The following PCM1 variants were observed in gnomAD, a reference collection of about 807,000 sequenced individuals.
The protein encoded by PCM1 is pericentriolar material 1.
Under a neutral mutation model 241.9 loss-of-function variants are expected in PCM1, and 157 were observed. The ratio of observed to expected loss-of-function variants is 0.65; its 90% CI spans 0.57 to 0.74. The LOEUF (loss-of-function observed/expected upper bound fraction) is 0.74, where lower values mean the gene tolerates loss of function less well. Among genes scored for constraint, PCM1 ranks in the 30% least tolerant of loss-of-function variants. PCM1 has a pLI of 0.00. For synonymous variants in PCM1, 1,085 were observed against 784.9 expected (o/e 1.38, Z -6.39); for missense variants, 3,478 against 2,360.1 (o/e 1.47, Z -9.81).
At chr8:17,990,120 T>C in intron 27 of PCM1, 141 bp downstream of exon 27, 1 of 604,776 alleles carries the variant, frequency 1.7e-6, no homozygotes, top group Non-Finnish European at 2.6e-6. Context: ...TCTATCAGTC[T>C]AAAATCAAGA....
chr8:18,000,896 A>T (rs1409379673), intron 29 of PCM1, among the ~76,000 whole-genome samples: 1 of 152,206 alleles, frequency 6.6e-6, no homozygotes, highest in Admixed American at 6.5e-5. Flanking sequence ...GGCTCGAGCC[A>T]CTGTGCCAGC....
At chr8:17,997,368 G>T (rs2087259066) in intron 29 of PCM1, among the ~76,000 whole-genome samples, 1 of 152,088 alleles carries the variant, frequency 6.6e-6, no homozygotes, top group African/African-American at 2.4e-5. Flanking sequence ...CCTTGAGATA[G>T]TCTTATTTGG....
intron 23 of PCM1, among the ~76,000 whole-genome samples, chr8:17,977,136 T>C (rs2079047060): frequency 6.6e-6 from 1 of 152,224 alleles, no homozygotes. Flanking sequence ...TTAAAATCTT[T>C]TTCTTTAGAT....
intron 15 of PCM1, among the ~76,000 whole-genome samples, chr8:17,961,123 AT>A (rs1371795471): frequency 6.6e-6 from 1 of 152,190 alleles, no homozygotes; most frequent in Non-Finnish European, 1.5e-5. Flanking sequence ...TCTAAGGAAA[AT>A]AACTGTATGT....
In PCM1 at chr8:18,014,801, A is replaced by C; in HGVS notation, c.5802A>C (p.Gly1934=). Residue 1934 remains glycine, a synonymous_variant, in exon 36 of 39, where the codon GGA becomes GGC. Coordinates refer to ENST00000325083, the MANE Select transcript of PCM1 (RefSeq NM_006197.4). ...AAACTCCTGAAAGCTCTCTGGCTGG[A>C]AGTCCTGATACTGAATCTCCAGTGT... is the stretch of plus-strand genomic sequence containing the variant. The part of the protein sequence containing the change: ...AQETPESSLA[G]SPDTESPVLV... 2 of 1,604,558 alleles carry C rather than the reference A, an allele frequency of 1.2e-6. No homozygotes were observed. Among genetic ancestry groups the C allele is most frequent in the Non-Finnish European group, 1.7e-6 (2 of 1,178,308 alleles).
At chr8:18,008,762 T>C (rs1407916365) in intron 30 of PCM1, among the ~76,000 whole-genome samples, 3 of 152,160 alleles carry the variant, frequency 2.0e-5, no homozygotes, top group Non-Finnish European at 4.4e-5. Flanking sequence ...GCAGTTAATC[T>C]GTAACAAACA....
intron 29 of PCM1, among the ~76,000 whole-genome samples, chr8:17,999,960 G>T (rs1350270323): frequency 6.6e-6 from 1 of 152,164 alleles, no homozygotes; most frequent in Non-Finnish European, 1.5e-5. Flanking sequence ...GCATGCTAGA[G>T]TGGGAATACA....
chr8:18,010,044 T>C lies in PCM1; in HGVS notation c.5160+300T>C, dbSNP rs1399229520. On this transcript the variant is annotated intron_variant, in intron 31 of 38. Coordinates refer to ENST00000325083, the MANE Select transcript of PCM1 (RefSeq NM_006197.4). Reference sequence around the variant, plus strand: ...AGATGAGAGAAGGACTGGGATCTGATCCTGGGCCAGTGCCAGGTGCCTGCC... The same window carrying C: ...AGATGAGAGAAGGACTGGGATCTGACCCTGGGCCAGTGCCAGGTGCCTGCC... Among the ~76,000 whole-genome samples the C allele has an allele frequency of 2.8e-4, 43 of 152,232 alleles. 1 individual carries two copies. The highest frequency in any genetic ancestry group is 2.8e-3 in the Admixed American group (43 of 15,284).
intron 36 of PCM1, chr8:18,015,586 A>AAAT (rs1166544916): frequency 6.6e-6 from 1 of 152,204 alleles, no homozygotes; most frequent in East Asian, 1.9e-4. Flanking sequence ...TTTTCCAAAT[A>AAAT]AATACTTGCC....
chr8:18,010,954 C>CAGAGCTAGACTGTGCCTCAAAA (rs1333868508), intron 32 of PCM1, among the ~76,000 whole-genome samples: 1 of 152,180 alleles, frequency 6.6e-6, no homozygotes, highest in Non-Finnish European at 1.5e-5. Context: ...GCCTGGGCAA[C>CAGAGCTAGACTGTGCCTCAAAA]AGAGCTAGAC....
Position 17,966,111 on chromosome 8 carries a change from C to T in PCM1, c.2968C>T (p.Leu990Phe), listed in dbSNP as rs2129469604. The change falls in exon 19 of 39, where the codon CTC (leucine) becomes TTC (phenylalanine). Residue 990 changes from leucine (L) to phenylalanine (F), a missense_variant. Leu to Phe is a conservative substitution (Grantham distance 22). Transcript: ENST00000325083. The part of the protein sequence containing the change: ...RQENLRWVSE[L>F]SYVEEKEQWQ... ...AGAAAACCTTCGTTGGGTGTCAGAGCTCTCTTACGTAGAAGAGAAAGAACA... is the reference window on the plus strand; with the variant it reads ...AGAAAACCTTCGTTGGGTGTCAGAGTTCTCTTACGTAGAAGAGAAAGAACA... 2 of 1,612,940 alleles carry T rather than the reference C, an allele frequency of 1.2e-6. No individual in the cohort carries two copies. Among genetic ancestry groups the T allele is most frequent in the East Asian group, 2.2e-5 (1 of 44,866 alleles).
At chr8:17,928,081 G>T (rs1262365704) in intron 2 of PCM1, 1 of 152,050 alleles carries the variant, frequency 6.6e-6, no homozygotes, top group Non-Finnish European at 1.5e-5. Flanking sequence ...TCCCCGTTCA[G>T]CTACCCGTAG....
Position 18,006,290 on chromosome 8 carries a change from C to T in PCM1, c.4855C>T (p.Gln1619Ter). The change falls in exon 30 of 39, where the codon CAG becomes TAG. Residue 1619 changes from glutamine to a stop codon, truncating the protein, a stop_gained. Transcript: ENST00000325083. LOFTEE classifies it high-confidence loss of function. The stretch of plus-strand genomic sequence containing the variant: ...GCACATGGATGAAGTATGCTCCTCG[C>T]AGCTTCTAACTTCAGTAAGGCGCAT... ...KEHMDEVCSS[Q>*]LLTSVRRMVL... 1 of 1,610,988 alleles carries T rather than the reference C, an allele frequency of 6.2e-7. No individual in the cohort carries two copies. The highest frequency in any genetic ancestry group is 1.3e-5 in the African/African-American group (1 of 74,970).
intron 6 of PCM1, among the ~76,000 whole-genome samples, chr8:17,941,593 A>G (rs991606693): frequency 1.3e-4 from 19 of 151,796 alleles, no homozygotes; most frequent in Non-Finnish European, 2.5e-4. Flanking sequence ...GCTGGCTTAT[A>G]TGTTAAACAG....
chr8:17,968,265 T>A (rs2075649229), intron 21 of PCM1, among the ~76,000 whole-genome samples: 1 of 152,196 alleles, frequency 6.6e-6, no homozygotes, highest in Non-Finnish European at 1.5e-5. Flanking sequence ...AGAGAGATTT[T>A]ATGATGTGCA....
At chr8:17,946,871 G>C (rs556439420) in intron 6 of PCM1, among the ~76,000 whole-genome samples, 1 of 148,682 alleles carries the variant, frequency 6.7e-6, no homozygotes, top group Admixed American at 6.7e-5. Context: ...GTGTGTGTGT[G>C]TCCATGTGTC....
intron 36 of PCM1, among the ~76,000 whole-genome samples, chr8:18,024,045 C>G (rs756614026): frequency 1.1e-4 from 16 of 152,116 alleles, no homozygotes; most frequent in Middle Eastern, 3.2e-3. Flanking sequence ...CTGACCAAAA[C>G]CCCCATAAAA....
At chr8:17,976,481 C>T (rs2078813214) in intron 23 of PCM1, among the ~76,000 whole-genome samples, 1 of 152,168 alleles carries the variant, frequency 6.6e-6, no homozygotes, top group Non-Finnish European at 1.5e-5. Context: ...CATCCTGGGG[C>T]AAGAGAGAGG....
At position 18,006,374 on chromosome 8, in the gene PCM1, A is replaced by G. The variant is rs781773569; in HGVS notation, c.4939A>G (p.Lys1647Glu). Residue 1647 changes from lysine to glutamate, a missense_variant, in exon 30 of 39, where the codon AAA becomes GAA. Coordinates refer to ENST00000325083, the MANE Select transcript of PCM1 (RefSeq NM_006197.4). ...CAAAGAGTTTGTAAAGTTCTTTCAT[A>G]AACAACTTGGAAGTATATTACAGGT... ...ESKEFVKFFH[K>E]QLGSILQDSL... is the part of the protein sequence containing the mutation. 1.9e-6 allele frequency: 3 copies of G among 1,612,462 alleles called. No homozygotes were observed. In the South Asian group the frequency reaches 3.3e-5, roughly 18 times the overall value.
Sources: allele counts gnomAD v4.1 joint callset (sites outside exome capture counted in the v4.1 genomes callset), GRCh38; gene constraint gnomAD v4.1.1; transcripts MANE v1.5; gene names NCBI Gene and HGNC (gene_info 2026-07-23, HGNC 2026-07-21).